Variants in RSPO4 observed in about 807,000 individuals in gnomAD.
RSPO4 encodes the protein R-spondin 4.
Under a neutral mutation model 24.8 loss-of-function variants are expected in RSPO4, and 23 were observed. The observed-to-expected ratio is 0.93, with a 90% CI of 0.67 to 1.31. RSPO4 has a LOEUF of 1.31. RSPO4 is among the 40% of genes most tolerant of loss of function. The probability of loss-of-function intolerance (pLI) is 0.00; values close to 1 mark genes in which losing one functional copy is unlikely to be tolerated. For synonymous variants in RSPO4, 141 were observed against 127.4 expected, an observed-to-expected ratio of 1.11 and a Z score of -0.72; for missense variants, 333 against 316.5, an observed-to-expected ratio of 1.05 and a Z score of -0.39.
intron 1 of RSPO4, among the ~76,000 whole-genome samples, chr20:980,997 G>T (rs1288534044): frequency 1.3e-5 from 2 of 152,172 alleles, no homozygotes; most frequent in Admixed American, 6.5e-5. Flanking sequence ...TTCTGGAATG[G>T]GGCCAGAGGT....
intron 1 of RSPO4, among the ~76,000 whole-genome samples, chr20:989,189 C>T (rs1334481514): frequency 6.6e-6 from 1 of 152,072 alleles, no homozygotes; most frequent in African/African-American, 2.4e-5. Flanking sequence ...GACATTCCAC[C>T]CAGTCCAGGC....
chr20:967,046 G>GT (rs1394754025), intron 3 of RSPO4, 128 bp downstream of exon 3: 4 of 866,378 alleles, frequency 4.6e-6, no homozygotes, highest in East Asian at 5.3e-5. Context: ...TGACATGGTG[G>GT]TGCTGGGCCT....
At chr20:990,462 TTTCCTTCC>T (rs978734336) in intron 1 of RSPO4, among the ~76,000 whole-genome samples, 1 of 150,362 alleles carries the variant, frequency 6.7e-6, no homozygotes, top group Non-Finnish European at 1.5e-5. Flanking sequence ...CTCTTTTCTT[TTTCCTTCC>T]TTCCTTCCTT....
chr20:990,048 G>A (rs188286647), intron 1 of RSPO4, among the ~76,000 whole-genome samples: 80 of 152,300 alleles, frequency 5.3e-4, no homozygotes, highest in East Asian at 2.1e-3. Context: ...ACTGAGGCTC[G>A]GAGAGGTAAA....
At chr20:969,744 C>T (rs891912596) in intron 1 of RSPO4, among the ~76,000 whole-genome samples, 1 of 152,046 alleles carries the variant, frequency 6.6e-6, no homozygotes, top group Non-Finnish European at 1.5e-5. Flanking sequence ...GGGGAGACCA[C>T]TGGGAGTAGG....
intron 1 of RSPO4, among the ~76,000 whole-genome samples, chr20:974,210 CA>C (rs1283912330): frequency 6.6e-6 from 1 of 152,194 alleles, no homozygotes; most frequent in Non-Finnish European, 1.5e-5. Context: ...TTAACAAGTC[CA>C]AAATAAATGT....
chr20:986,860 A>G (rs1984938663), intron 1 of RSPO4, among the ~76,000 whole-genome samples: 1 of 152,216 alleles, frequency 6.6e-6, no homozygotes, highest in Admixed American at 6.5e-5. Context: ...TTAAAAAAGA[A>G]AGACAAATAG....
chr20:993,089 AGGG>A (rs1268732745), intron 1 of RSPO4, among the ~76,000 whole-genome samples: 2 of 152,206 alleles, frequency 1.3e-5, no homozygotes, highest in Non-Finnish European at 2.9e-5. Context: ...ATCGGGCTCC[AGGG>A]AAAGTGGAGG....
chr20:982,154 G>C (rs898246501), intron 1 of RSPO4, among the ~76,000 whole-genome samples: 1 of 152,104 alleles, frequency 6.6e-6, no homozygotes. Flanking sequence ...GTTCGGGACC[G>C]GGGCAGAGAG....
rs948615816 is a variant in RSPO4 at position 981,336 on chromosome 20, C to T, written c.80-13198G>A. 1.3e-5 allele frequency among the ~76,000 whole-genome samples: 2 copies of T among 152,100 alleles called. No individual in the cohort carries two copies. The highest frequency in any genetic ancestry group is 4.1e-4 in the South Asian group (2 of 4,828). ...GGCCCGGAGTTCGAGACCAGCCTGG[C>T]CAACATGGCAAAACCCCGTCTCTAC... On this transcript the variant is annotated intron_variant, in intron 1 of 4. Transcript: ENST00000217260. This position sits in a 1 kb window ranked among gnomAD's most constrained non-coding sequence, Gnocchi z 4.6.
chr20:987,281 G>A (rs1325524484), intron 1 of RSPO4, among the ~76,000 whole-genome samples: 2 of 152,148 alleles, frequency 1.3e-5, no homozygotes, highest in Non-Finnish European at 2.9e-5. Flanking sequence ...CTGGGCCTGA[G>A]GATGGTTGGG....
At chr20:965,734 A>G (rs980868841) in intron 3 of RSPO4, among the ~76,000 whole-genome samples, 127 of 152,124 alleles carry the variant, frequency 8.3e-4, no homozygotes, top group Non-Finnish European at 2.1e-4. Flanking sequence ...GTGCTGCTTC[A>G]TTTTCACCCC....
At chr20:969,600 A>C (rs1360062812) in intron 1 of RSPO4, among the ~76,000 whole-genome samples, 2 of 152,052 alleles carry the variant, frequency 1.3e-5, no homozygotes, top group African/African-American at 4.8e-5. Context: ...GAGCCTGCAC[A>C]TCCTTCCCGG....
intron 1 of RSPO4, among the ~76,000 whole-genome samples, chr20:977,051 T>A (rs964486083): frequency 6.6e-6 from 1 of 152,224 alleles, no homozygotes; most frequent in African/African-American, 2.4e-5. Context: ...AGCTGCCCTA[T>A]GTTATCATCC....
intron 3 of RSPO4, among the ~76,000 whole-genome samples, chr20:965,412 T>A (rs1984162153): frequency 6.6e-6 from 1 of 151,096 alleles, no homozygotes; most frequent in Non-Finnish European, 1.5e-5. Flanking sequence ...ATGATGGGGG[T>A]GGAAAGGCTG....
In RSPO4 at chr20:977,770, GC is replaced by G. The variant is rs569328599; in HGVS notation, c.80-9633del. The stretch of plus-strand genomic sequence containing the variant: ...TGGGGAAAGAGAGAAAGACACCACT[GC>G]CCCTGCTGAGGTCCCTGCTCTGTCC... On this transcript the variant is annotated intron_variant, in intron 1 of 4. Transcript: ENST00000217260. Among the ~76,000 whole-genome samples the G allele has an allele frequency of 5.9e-3, 902 of 152,254 alleles. 23 individuals are homozygous for G. Among genetic ancestry groups the G allele is most frequent in the East Asian group, 3.1e-3 (16 of 5,178 alleles).
In RSPO4 at chr20:972,538, T is replaced by C. The variant is rs577863833; in HGVS notation, c.80-4400A>G. Among the ~76,000 whole-genome samples the C allele has an allele frequency of 7.9e-5, 12 of 152,340 alleles. No individual in the cohort carries two copies. In the South Asian group the frequency reaches 2.3e-3, roughly 29 times the overall value. On this transcript the variant is annotated intron_variant, in intron 1 of 4. Coordinates refer to ENST00000217260, the MANE Select transcript of RSPO4 (RefSeq NM_001029871.4). Reference sequence around the variant, plus strand: ...TTCTCCTCCCATTTTCCCTTATGCCTGCAGGAGTGCAGGCTTAAGAGTGGA... The same window carrying C: ...TTCTCCTCCCATTTTCCCTTATGCCCGCAGGAGTGCAGGCTTAAGAGTGGA...
Position 964,222 on chromosome 20 carries a change from A to C in RSPO4, c.410-102T>G, listed in dbSNP as rs904697303. On this transcript the variant is annotated intron_variant, in intron 3 of 4. Coordinates refer to ENST00000217260, the MANE Select transcript of RSPO4 (RefSeq NM_001029871.4). ...AGGGTTTGAGGGGTTCAGTCCTCTG[A>C]AGACTGAAGACACCACTTCCACCTG... 11 of 851,942 alleles carry C rather than the reference A, an allele frequency of 1.3e-5. No homozygotes were observed. The African/African-American group carries it at 1.7e-4, about 13-fold the overall frequency. The allele number at this position is 851,942 out of a possible 1,614,324, so 52.8% of individuals were successfully genotyped here. A position where few individuals can be genotyped will look rare whatever the true frequency, so the allele number is the denominator to read the frequency against.
intron 1 of RSPO4, among the ~76,000 whole-genome samples, chr20:995,466 A>G (rs548209942): frequency 6.6e-6 from 1 of 152,260 alleles, no homozygotes; most frequent in East Asian, 1.9e-4. Flanking sequence ...GGAGCGTGCA[A>G]TGTCTGCCAC....
Sources: allele counts gnomAD v4.1 joint callset (sites outside exome capture counted in the v4.1 genomes callset), GRCh38; gene constraint gnomAD v4.1.1; non-coding constraint Gnocchi (gnomAD v3.1); transcripts MANE v1.5; gene names NCBI Gene and HGNC (gene_info 2026-07-23, HGNC 2026-07-21).